REV1: variants seen among roughly 807,000 people sequenced by gnomAD.
The protein encoded by REV1 is translesion synthesis protein REV1.
In REV1, 42 loss-of-function variants were observed where a neutral mutation model predicts 137.4. That is an observed-to-expected ratio of 0.31 (90% CI 0.24 to 0.40). REV1 has a LOEUF of 0.40. Ranked by LOEUF, REV1 falls within the 10% of genes least tolerant of loss-of-function variation. The pLI is 1.00. For missense variants in REV1, 1,282 were observed against 1,490.1 expected (o/e 0.86, Z 2.30); for synonymous variants, 524 against 519.2 (o/e 1.01, Z -0.12).
At chr2:99,437,404 C>G (rs6542880) in intron 6 of REV1, among the ~76,000 whole-genome samples, 1 of 151,910 alleles carries the variant, frequency 6.6e-6, no homozygotes, top group African/African-American at 2.4e-5. Flanking sequence ...GTCCTGCAGC[C>G]TAAGAGTGGC....
At chr2:99,458,274 A>G (rs957315647) in intron 3 of REV1, among the ~76,000 whole-genome samples, 2 of 152,236 alleles carry the variant, frequency 1.3e-5, no homozygotes, top group African/African-American at 4.8e-5. Flanking sequence ...TTAGAAAATG[A>G]GGAAAAAAAT....
At chr2:99,427,206 C>T (rs1476916118) in intron 9 of REV1, among the ~76,000 whole-genome samples, 1 of 152,058 alleles carries the variant, frequency 6.6e-6, no homozygotes, top group Admixed American at 6.6e-5. Context: ...TGCCATCAAA[C>T]CACTGTCACT....
intron 5 of REV1, 60 bp downstream of exon 5, chr2:99,442,252 CAAAAA>C (rs3070575): frequency 1.1e-3 from 615 of 535,988 alleles, no homozygotes; most frequent in Middle Eastern, 2.5e-3. Context: ...AACTCCATCT[CAAAAA>C]AAAAAAAAAA....
chr2:99,489,233 C>T (rs1422457861), intron 1 of REV1, among the ~76,000 whole-genome samples: 1 of 152,192 alleles, frequency 6.6e-6, no homozygotes, highest in Non-Finnish European at 1.5e-5. Flanking sequence ...GCAACAACCG[C>T]CTTCGGACAT....
intron 11 of REV1, 113 bp from the exon 12 acceptor site, chr2:99,419,060 T>C: frequency 1.1e-6 from 1 of 905,440 alleles, no homozygotes. Context: ...TGAAAATAAA[T>C]TTTGATTATT....
chr2:99,453,965 T>C (rs1194948168), intron 3 of REV1, among the ~76,000 whole-genome samples: 1 of 151,850 alleles, frequency 6.6e-6, no homozygotes, highest in Non-Finnish European at 1.5e-5. Context: ...CTCCAAATTT[T>C]TACAATCAAT....
At chr2:99,442,250 C>T in intron 5 of REV1, 67 bp downstream of exon 5, 2 of 904,002 alleles carry the variant, frequency 2.2e-6, no homozygotes, top group Non-Finnish European at 3.0e-6. Context: ...AAAACTCCAT[C>T]TCAAAAAAAA....
intron 1 of REV1, among the ~76,000 whole-genome samples, chr2:99,467,615 A>ATT (rs1334084451): frequency 6.6e-4 from 101 of 152,356 alleles, no homozygotes; most frequent in African/African-American, 2.3e-3. Flanking sequence ...GGAGAGAAAA[A>ATT]GTAGAGTCCA....
chr2:99,460,639 A>G (rs1684075998), intron 3 of REV1, among the ~76,000 whole-genome samples: 1 of 152,068 alleles, frequency 6.6e-6, no homozygotes, highest in Non-Finnish European at 1.5e-5. Context: ...AAAGTGGTAA[A>G]GTATTCACTA....
intron 9 of REV1, among the ~76,000 whole-genome samples, chr2:99,429,303 A>G (rs1679807604): frequency 1.3e-5 from 2 of 152,194 alleles, no homozygotes; most frequent in South Asian, 2.1e-4. Context: ...TCAGATCACT[A>G]TAAGATAAAG....
At chr2:99,456,101 C>G (rs761798657) in intron 3 of REV1, among the ~76,000 whole-genome samples, 16 of 152,218 alleles carry the variant, frequency 1.1e-4, no homozygotes, top group Non-Finnish European at 2.2e-4. Context: ...ATGCCCAGAG[C>G]CTACCTCCCA....
chr2:99,487,198 A>C (rs572489853), intron 1 of REV1, among the ~76,000 whole-genome samples: 72 of 152,356 alleles, frequency 4.7e-4, no homozygotes, highest in Admixed American at 2.9e-3. Flanking sequence ...AGGTTGCTGA[A>C]AGTCAGTCAC....
At chr2:99,451,414 T>C in intron 3 of REV1, 2 of 1,302,432 alleles carry the variant, frequency 1.5e-6, no homozygotes, top group Non-Finnish European at 2.0e-6. Flanking sequence ...ATTGCCCTTC[T>C]ACTGGATGAA....
At chr2:99,403,521 A>G (rs1469637833) in intron 19 of REV1, 174 bp downstream of exon 19, 1 of 841,640 alleles carries the variant, frequency 1.2e-6, no homozygotes, top group African/African-American at 1.7e-5. Flanking sequence ...ACACAAATCC[A>G]ACTAGAAATA....
intron 1 of REV1, among the ~76,000 whole-genome samples, chr2:99,487,138 G>C (rs1687236725): frequency 6.6e-6 from 1 of 152,184 alleles, no homozygotes; most frequent in Non-Finnish European, 1.5e-5. Flanking sequence ...AACATCCTAA[G>C]GAAGAAACAC....
At chr2:99,427,231 C>T (rs572684665) in intron 9 of REV1, among the ~76,000 whole-genome samples, 1 of 152,132 alleles carries the variant, frequency 6.6e-6, no homozygotes, top group African/African-American at 2.4e-5. Context: ...ATTCTACATA[C>T]TAAAATACAT....
intron 1 of REV1, among the ~76,000 whole-genome samples, chr2:99,469,284 A>C (rs1024909372): frequency 2.0e-5 from 3 of 152,236 alleles, no homozygotes; most frequent in Non-Finnish European, 4.4e-5. Context: ...ACAACTTGAA[A>C]AAGACTGATA....
At chr2:99,432,574 C>G (rs768488502) in intron 8 of REV1, among the ~76,000 whole-genome samples, 1 of 152,024 alleles carries the variant, frequency 6.6e-6, no homozygotes, top group South Asian at 2.1e-4. Flanking sequence ...GCTCCTAATA[C>G]GTGAAAAGGC....
intron 15 of REV1, 65 bp downstream of exon 15, chr2:99,407,964 G>T: frequency 2.1e-6 from 2 of 971,766 alleles, no homozygotes; most frequent in Non-Finnish European, 3.0e-6. Context: ...CCTTTTGAGA[G>T]CAAGCCTCAA....
Sources: allele counts gnomAD v4.1 joint callset (sites outside exome capture counted in the v4.1 genomes callset), GRCh38; gene constraint gnomAD v4.1.1; transcripts MANE v1.5; gene names NCBI Gene and HGNC (gene_info 2026-07-23, HGNC 2026-07-21).